Variants in ZNF512 observed in about 807,000 individuals in gnomAD.
ZNF512 encodes the protein zinc finger protein 512.
In ZNF512, 25 loss-of-function variants were observed where a neutral mutation model predicts 77.5. That is an observed-to-expected ratio of 0.32 (90% confidence interval 0.23 to 0.45). The LOEUF is 0.45. Among genes scored for constraint, ZNF512 ranks in the 20% least tolerant of loss-of-function variants. The pLI is 1.00. For missense variants in ZNF512, 483 were observed against 692.6 expected (o/e 0.70, Z 3.40); for synonymous variants, 246 against 239.9 (o/e 1.03, Z -0.24).
intron 10 of ZNF512, among the ~76,000 whole-genome samples, 195 bp from the exon 11 acceptor site, chr2:27,614,973 T>C (rs190030468): frequency 7.2e-5 from 11 of 152,278 alleles, no homozygotes; most frequent in Admixed American, 5.9e-4. Flanking sequence ...AAAATCAAAC[T>C]TTTCTAAGAC....
At chr2:27,599,249 C>G (rs1404785660) in intron 3 of ZNF512, among the ~76,000 whole-genome samples, 3 of 152,108 alleles carry the variant, frequency 2.0e-5, no homozygotes, top group African/African-American at 7.2e-5. Flanking sequence ...TCTCAAGGGT[C>G]CTTGGTGGCT....
At chr2:27,587,909 A>G (rs1003533689) in intron 2 of ZNF512, among the ~76,000 whole-genome samples, 1 of 151,966 alleles carries the variant, frequency 6.6e-6, no homozygotes, top group East Asian at 1.9e-4. Flanking sequence ...CGAACTCCCA[A>G]CCTCAGGTGA....
At chr2:27,619,400 T>TA (rs112038962) in intron 13 of ZNF512, among the ~76,000 whole-genome samples, 4,767 of 148,450 alleles carry the variant, frequency 0.032, 104 homozygotes, top group Non-Finnish European at 0.045. Flanking sequence ...AAGACTCTGT[T>TA]AAAAAAAAAA....
intron 1 of ZNF512, 121 bp downstream of exon 1, chr2:27,583,263 C>T: frequency 1.4e-6 from 2 of 1,449,122 alleles, no homozygotes; most frequent in Non-Finnish European, 9.7e-7. Context: ...AGGCCCCACC[C>T]TTCTAGATCA....
At chr2:27,598,348 G>T in intron 3 of ZNF512, 94 bp downstream of exon 3, 2 of 1,341,946 alleles carry the variant, frequency 1.5e-6, no homozygotes, top group Non-Finnish European at 2.0e-6. Context: ...ATTAAATGGC[G>T]GCTGAGCGTG....
At chr2:27,607,747 C>A in intron 9 of ZNF512, 98 bp from the exon 10 acceptor site, 2 of 1,123,692 alleles carry the variant, frequency 1.8e-6, no homozygotes, top group Non-Finnish European at 2.6e-6. Flanking sequence ...TACTACATAG[C>A]TCTTTTGATA....
At chr2:27,587,064 C>T (rs928470096) in intron 2 of ZNF512, among the ~76,000 whole-genome samples, 2 of 152,128 alleles carry the variant, frequency 1.3e-5, no homozygotes, top group Non-Finnish European at 2.9e-5. Context: ...GCTTTCATTT[C>T]TTTTGATAAA....
At chr2:27,593,360 C>T (rs1223254549) in intron 2 of ZNF512, among the ~76,000 whole-genome samples, 7 of 149,856 alleles carry the variant, frequency 4.7e-5, no homozygotes, top group Non-Finnish European at 1.0e-4. Flanking sequence ...CCACTACACT[C>T]CAGCCTGAGT....
In ZNF512 at chr2:27,594,593, C is replaced by T. The variant is rs60858771; in HGVS notation, c.90-3474C>T. On this transcript the variant is annotated intron_variant, in intron 2 of 13. Transcript: ENST00000355467. ...TGATGGGCGGCCAGGCAGAGACGCT[C>T]CTCACTTCCTAGACGGGGTGGCGGC... is the stretch of plus-strand genomic sequence containing the variant. Among the ~76,000 whole-genome samples, 1,007 of 149,796 alleles carry T rather than the reference C, an allele frequency of 6.7e-3. 5 individuals are homozygous for T. The highest frequency in any genetic ancestry group is 0.022 in the East Asian group (108 of 4,952).
chr2:27,600,905 G>A, intron 6 of ZNF512, 90 bp downstream of exon 6: 1 of 1,462,788 alleles, frequency 6.8e-7, no homozygotes, highest in Non-Finnish European at 9.2e-7. Flanking sequence ...GGTTATAATG[G>A]ATGAAAAGCA....
At chr2:27,603,421 T>G in intron 9 of ZNF512, 114 bp downstream of exon 9, 1 of 1,097,276 alleles carries the variant, frequency 9.1e-7, no homozygotes, top group Non-Finnish European at 1.3e-6. Flanking sequence ...TTTTAATCTC[T>G]GAATGCTTGT....
intron 13 of ZNF512, among the ~76,000 whole-genome samples, chr2:27,619,060 A>G (rs1486974630): frequency 6.6e-6 from 1 of 152,242 alleles, no homozygotes; most frequent in East Asian, 1.9e-4. Flanking sequence ...TTCTGAAGGC[A>G]GTCATATCTT....
intron 9 of ZNF512, among the ~76,000 whole-genome samples, 181 bp downstream of exon 9, chr2:27,603,488 A>G (rs1422207818): frequency 6.6e-6 from 1 of 151,762 alleles, no homozygotes; most frequent in Non-Finnish European, 1.5e-5. Flanking sequence ...TAACATTATT[A>G]GGTTAGATAA....
chr2:27,619,062 T>C (rs1208207621), intron 13 of ZNF512, among the ~76,000 whole-genome samples: 4 of 152,228 alleles, frequency 2.6e-5, no homozygotes, highest in Admixed American at 2.6e-4. Flanking sequence ...CTGAAGGCAG[T>C]CATATCTTTT....
intron 9 of ZNF512, among the ~76,000 whole-genome samples, chr2:27,606,075 G>A (rs1672341806): frequency 7.8e-6 from 1 of 127,446 alleles, no homozygotes; most frequent in African/African-American, 3.0e-5. Flanking sequence ...GCTTAATCTT[G>A]TTGACCATCT....
chr2:27,615,982 A>G (rs553606930), intron 11 of ZNF512, among the ~76,000 whole-genome samples: 1 of 152,102 alleles, frequency 6.6e-6, no homozygotes, highest in Non-Finnish European at 1.5e-5. Context: ...AAAACTATAT[A>G]ATTTTCTGTG....
intron 11 of ZNF512, among the ~76,000 whole-genome samples, chr2:27,615,882 A>G (rs1411286022): frequency 1.3e-5 from 2 of 152,206 alleles, no homozygotes; most frequent in African/African-American, 4.8e-5. Context: ...TCTTTAAACT[A>G]TCACAGCTAT....
Position 27,623,104 on chromosome 2 carries a change from A to G in ZNF512, c.*1643A>G, listed in dbSNP as rs1673189519. ...AAATGACTCTCAGAAAGATGTTTCCAGTGTTCTTTGACGCCGACCTGCTGC... is the reference window on the plus strand; with the variant it reads ...AAATGACTCTCAGAAAGATGTTTCCGGTGTTCTTTGACGCCGACCTGCTGC... On this transcript the variant is annotated 3_prime_UTR_variant, in exon 14 of 14. Coordinates refer to ENST00000355467, the MANE Select transcript of ZNF512 (RefSeq NM_032434.4). 6.6e-6 allele frequency: 1 copy of G among 152,638 alleles called. No homozygotes were observed. The highest frequency in any genetic ancestry group is 6.5e-5 in the Admixed American group (1 of 15,276). 9.5% of individuals were successfully genotyped at this position (152,638 alleles called of 1,614,324 possible).
chr2:27,595,513 G>C (rs895968420), intron 2 of ZNF512, among the ~76,000 whole-genome samples: 8 of 152,022 alleles, frequency 5.3e-5, no homozygotes, highest in Non-Finnish European at 1.2e-4. Context: ...TTTTAGTAGA[G>C]ACGGGGTTTC....
Sources: gnomAD v4.1 joint callset for allele counts (sites outside exome capture counted in the v4.1 genomes callset) on GRCh38, gnomAD v4.1.1 for gene constraint, MANE v1.5 for transcripts, NCBI Gene and HGNC (gene_info 2026-07-23, HGNC 2026-07-21) for gene names.